Variants in EPB41L4B observed in about 807,000 individuals in gnomAD.
EPB41L4B encodes the protein band 4.1-like protein 4B.
A neutral mutation model predicts 112.5 loss-of-function variants in EPB41L4B; 30 were observed. The ratio of observed to expected loss-of-function variants is 0.27; its 90% CI spans 0.20 to 0.36. EPB41L4B has a LOEUF of 0.36. EPB41L4B is among the 10% of genes least tolerant of loss of function. EPB41L4B has a pLI of 1.00. For synonymous variants in EPB41L4B, 408 were observed against 439.7 expected (o/e 0.93, Z 0.90); for missense variants, 1,024 against 1,133.3 (o/e 0.90, Z 1.38).
chr9:109,318,670 A>C (rs1311012897), intron 1 of EPB41L4B, among the ~76,000 whole-genome samples: 1 of 152,162 alleles, frequency 6.6e-6, no homozygotes, highest in East Asian at 1.9e-4. Context: ...CTCCTCTCCC[A>C]GCTGAATAAA....
chr9:109,243,666 T>C lies in EPB41L4B; in HGVS notation c.1361A>G (p.Asn454Ser), dbSNP rs1258078649. 4 of 1,614,030 alleles carry C rather than the reference T, an allele frequency of 2.5e-6. No individual in the cohort carries two copies. The highest frequency in any genetic ancestry group is 3.4e-6 in the Non-Finnish European group (4 of 1,180,012). Residue 454 changes from asparagine to serine, a missense_variant, in exon 15 of 26, where the codon AAT becomes AGT. Asn to Ser is a conservative substitution (Grantham distance 46, BLOSUM62 1). Coordinates refer to ENST00000374566, the MANE Select transcript of EPB41L4B (RefSeq NM_019114.5). Reference protein sequence around the residue: ...VHNYQPQYHPNIHPSQPRWHP... With the variant: ...VHNYQPQYHPSIHPSQPRWHP... ...CCACCGGGGCTGGCTGGGATGGATA[T>C]TAGGATGATATTGAGGCTAGAAATA...
chr9:109,210,600 T>A (rs920934703), intron 17 of EPB41L4B, among the ~76,000 whole-genome samples: 3 of 152,268 alleles, frequency 2.0e-5, no homozygotes, highest in Non-Finnish European at 4.4e-5. Context: ...TCAAGCTGGC[T>A]TGTTCTTGTT....
Position 109,256,386 on chromosome 9 carries a change from T to C in EPB41L4B, c.840+7A>G, listed in dbSNP as rs1327625930. On this transcript the variant is annotated splice_region_variant and intron_variant, in intron 8 of 25. Transcript: ENST00000374566. Reference sequence around the variant, plus strand: ...AACCAAATTACTTAAACGCACACAGTTCTTACCCTGACAACGTGCATGTCT... The same window carrying C: ...AACCAAATTACTTAAACGCACACAGCTCTTACCCTGACAACGTGCATGTCT... The C allele has an allele frequency of 3.1e-6, 5 of 1,613,958 alleles. No homozygotes were observed. Among genetic ancestry groups the C allele is most frequent in the Non-Finnish European group, 4.2e-6 (5 of 1,179,888 alleles).
At chr9:109,240,248 C>T in intron 15 of EPB41L4B, 4 of 985,062 alleles carry the variant, frequency 4.1e-6, no homozygotes, top group Non-Finnish European at 3.6e-6. Flanking sequence ...TATTTGTATG[C>T]AGCACATACA....
chr9:109,220,433 G>A (rs1833532001), intron 15 of EPB41L4B, among the ~76,000 whole-genome samples: 1 of 152,202 alleles, frequency 6.6e-6, no homozygotes, highest in Non-Finnish European at 1.5e-5. Flanking sequence ...GCTGTGTGGA[G>A]GAGACTGGTT....
chr9:109,244,688 G>A (rs554725935), intron 14 of EPB41L4B, among the ~76,000 whole-genome samples: 1 of 152,230 alleles, frequency 6.6e-6, no homozygotes, highest in South Asian at 2.1e-4. Flanking sequence ...TAGCCGGCTA[G>A]GTAGCAGCCT....
intron 1 of EPB41L4B, 77 bp from the exon 2 acceptor site, chr9:109,279,998 C>T: frequency 1.8e-6 from 2 of 1,110,318 alleles, no homozygotes; most frequent in Non-Finnish European, 2.6e-6. Context: ...AAAAAACCTA[C>T]TTCTCTTTGT....
intron 22 of EPB41L4B, among the ~76,000 whole-genome samples, chr9:109,190,599 G>A (rs1360768585): frequency 1.3e-5 from 2 of 152,236 alleles, no homozygotes; most frequent in African/African-American, 4.8e-5. Context: ...ACTGAGACCA[G>A]GGCATCTGAC....
At chr9:109,285,489 T>A (rs1237949981) in intron 1 of EPB41L4B, among the ~76,000 whole-genome samples, 1 of 152,104 alleles carries the variant, frequency 6.6e-6, no homozygotes, top group African/African-American at 2.4e-5. Flanking sequence ...TAACTGCCCC[T>A]CCCATATGTC....
At chr9:109,202,372 G>T (rs1045706959) in intron 19 of EPB41L4B, among the ~76,000 whole-genome samples, 1 of 152,176 alleles carries the variant, frequency 6.6e-6, no homozygotes, top group African/African-American at 2.4e-5. Context: ...CCAGAGCAGT[G>T]GTTCTAGATC....
chr9:109,218,147 G>C (rs1445724481), intron 15 of EPB41L4B, among the ~76,000 whole-genome samples: 1 of 22,850 alleles, frequency 4.4e-5, no homozygotes, highest in African/African-American at 3.3e-4. Flanking sequence ...TTTTTTTTTG[G>C]CAGTGTCTCA....
chr9:109,275,847 A>G (rs527456333), intron 2 of EPB41L4B, among the ~76,000 whole-genome samples: 73 of 152,166 alleles, frequency 4.8e-4, no homozygotes, highest in African/African-American at 1.7e-3. Context: ...ACTTGCCAAG[A>G]TCTAAGGGCT....
At chr9:109,289,214 T>C (rs1836428244) in intron 1 of EPB41L4B, among the ~76,000 whole-genome samples, 1 of 152,172 alleles carries the variant, frequency 6.6e-6, no homozygotes, top group Non-Finnish European at 1.5e-5. Flanking sequence ...CCCAGGACCC[T>C]ACATGTACCC....
At position 109,248,892 on chromosome 9, in the gene EPB41L4B, T is replaced by C. The variant is rs570069938; in HGVS notation, c.1311-1103A>G. Among the ~76,000 whole-genome samples, 364 of 151,720 alleles carry C rather than the reference T, an allele frequency of 2.4e-3. 2 individuals are homozygous for C. Among genetic ancestry groups the C allele is most frequent in the African/African-American group, 8.1e-3 (336 of 41,322 alleles). ...GGCTAATACGGTGGAACCTCGTCTC[T>C]ACTAAAAATACAAAAAATTAGCCGG... On this transcript the variant is annotated intron_variant, in intron 13 of 25. Transcript: ENST00000374566.
chr9:109,240,909 CA>C, intron 15 of EPB41L4B: 1 of 985,356 alleles, frequency 1.0e-6, no homozygotes, highest in Non-Finnish European at 1.2e-6. Context: ...CAAATTCGAT[CA>C]AAACAAATGC....
chr9:109,303,066 C>A (rs1434151149), intron 1 of EPB41L4B, among the ~76,000 whole-genome samples: 1 of 143,328 alleles, frequency 7.0e-6, no homozygotes, highest in Non-Finnish European at 1.5e-5. Flanking sequence ...GGGTGACTGA[C>A]TGAGACCCCA....
chr9:109,287,036 G>T (rs1278537725), intron 1 of EPB41L4B, among the ~76,000 whole-genome samples: 1 of 152,310 alleles, frequency 6.6e-6, no homozygotes, highest in East Asian at 1.9e-4. Context: ...GTCAGTCTAT[G>T]TCTCTGTAGC....
At position 109,226,670 on chromosome 9, in the gene EPB41L4B, TATATATATATGAAGAATATATATATGA is replaced by T. The variant is rs1564278999; in HGVS notation, c.1410-9552_1410-9526del. ...ATATGAAGAATATATATATGAAGAA[TATATATATATGAAGAATATATATATGA>T]ATATATATATGAAGAATATATATAT... is the stretch of plus-strand genomic sequence containing the variant. On this transcript the variant is annotated intron_variant, in intron 15 of 25. Transcript: ENST00000374566. Among the ~76,000 whole-genome samples, 156 of 34,056 alleles carry T rather than the reference TATATATATATGAAGAATATATATATGA, an allele frequency of 4.6e-3. 2 individuals carry two copies. The highest frequency in any genetic ancestry group is 9.3e-3 in the African/African-American group (127 of 13,700). The allele number at this position is 34,056 out of a possible 152,430, so 22.3% of individuals were successfully genotyped here. A position where few individuals can be genotyped will look rare whatever the true frequency, so the allele number is the denominator to read the frequency against.
chr9:109,265,571 C>T (rs947839940), intron 4 of EPB41L4B, among the ~76,000 whole-genome samples: 1 of 151,096 alleles, frequency 6.6e-6, no homozygotes, highest in African/African-American at 2.5e-5. Context: ...CACACACACA[C>T]GAAACAAGAA....
Sources: allele counts gnomAD v4.1 joint callset (sites outside exome capture counted in the v4.1 genomes callset), GRCh38; gene constraint gnomAD v4.1.1; transcripts MANE v1.5; gene names NCBI Gene and HGNC (gene_info 2026-07-23, HGNC 2026-07-21).